ATRN: variants seen among roughly 807,000 people sequenced by gnomAD.
ATRN encodes attractin.
In ATRN, 54 loss-of-function variants were observed where a neutral mutation model predicts 178.7. The ratio of observed to expected loss-of-function variants is 0.30; its 90% CI spans 0.24 to 0.38. The LOEUF (loss-of-function observed/expected upper bound fraction) is 0.38, where lower values mean the gene tolerates loss of function less well. Ranked by LOEUF, ATRN falls within the 10% of genes least tolerant of loss-of-function variation. The pLI, the probability that ATRN is intolerant of heterozygous loss-of-function variation, is 1.00. For synonymous variants in ATRN, 636 were observed against 663.0 expected (o/e 0.96, Z 0.63); for missense variants, 1,443 against 1,815.1 (o/e 0.79, Z 3.73).
intron 11 of ATRN, among the ~76,000 whole-genome samples, chr20:3,570,405 A>C (rs1468750480): frequency 1.3e-5 from 2 of 152,186 alleles, no homozygotes; most frequent in African/African-American, 4.8e-5. Flanking sequence ...GATTCACTTC[A>C]GTATTTTGGC....
At chr20:3,601,060 G>T (rs751500878) in intron 23 of ATRN, 36 bp downstream of exon 23, 2 of 1,542,804 alleles carry the variant, frequency 1.3e-6, no homozygotes, top group Admixed American at 3.4e-5. Flanking sequence ...CGCAAATGAA[G>T]GTGTGGTAGA....
chr20:3,634,214 GT>G, intron 25 of ATRN, 96 bp from the exon 26 acceptor site: 1 of 1,051,968 alleles, frequency 9.5e-7, no homozygotes, highest in Admixed American at 1.9e-5. Flanking sequence ...GAGGTGGCAT[GT>G]GGGAGCTGTT....
chr20:3,484,484 A>G (rs987060093), intron 1 of ATRN, among the ~76,000 whole-genome samples: 34 of 152,092 alleles, frequency 2.2e-4, no homozygotes, highest in African/African-American at 8.0e-4. Context: ...TATTGACCTA[A>G]TTTAATTATC....
intron 27 of ATRN, among the ~76,000 whole-genome samples, chr20:3,640,650 G>A (rs370260794): frequency 9.8e-5 from 15 of 152,310 alleles, no homozygotes; most frequent in African/African-American, 2.4e-4. Flanking sequence ...GAAACTGAAC[G>A]TTAGTGCACT....
At chr20:3,592,496 A>C (rs2086462306) in intron 19 of ATRN, 1 of 982,392 alleles carries the variant, frequency 1.0e-6, no homozygotes, top group Non-Finnish European at 1.2e-6. Flanking sequence ...ATGAGAACAA[A>C]AATTATGACA....
chr20:3,553,015 A>G (rs2085811036), intron 6 of ATRN, among the ~76,000 whole-genome samples: 1 of 152,030 alleles, frequency 6.6e-6, no homozygotes, highest in South Asian at 2.1e-4. Flanking sequence ...CTTACCTCCT[A>G]GGGGAGGGGA....
rs749521022 is a variant in ATRN, at chr20:3,597,997, C to T, written c.3561C>T (p.Asp1187=). 5.6e-5 allele frequency: 89 copies of T among 1,599,290 alleles called. 1 individual carries two copies. The East Asian group carries it at 7.6e-4, about 14-fold the overall frequency. ...YTAINFVATP[D]EQNRDLDMFI... ...CTATCAATTTTGTGGCTACTCCTGA[C>T]GAAGTAAGATTTTTTAAAGTCTTCC... The change falls in exon 22 of 29, where the codon GAC becomes GAT. Residue 1187 remains aspartate (D), a synonymous_variant. Coordinates refer to ENST00000262919, the MANE Select transcript of ATRN (RefSeq NM_139321.3).
rs1374591897 is a variant in ATRN at position 3,540,103 on chromosome 20, G to T, written c.495-119G>T. 6.2e-5 allele frequency: 34 copies of T among 544,282 alleles called. No individual in the cohort carries two copies. The Admixed American group carries it at 1.1e-3, about 18-fold the overall frequency. 33.7% of individuals were successfully genotyped at this position (544,282 alleles called of 1,614,324 possible). ...ATCTTTGACAAATGAAGGAATACTG[G>T]TGGGGCAGTTGTTAGACTGTGTTAC... is the stretch of plus-strand genomic sequence containing the variant. On this transcript the variant is annotated intron_variant, in intron 2 of 28. Transcript: ENST00000262919.
rs1442866989 is a variant in ATRN at position 3,521,085 on chromosome 20, G to T, written c.411-14168G>T. ...ACACAAAGATGGGAACAATAGACAG[G>T]GGGTACTACTTGAGAGGGGAGGTTG... On this transcript the variant is annotated intron_variant, in intron 1 of 28. Coordinates refer to ENST00000262919, the MANE Select transcript of ATRN (RefSeq NM_139321.3). 2.0e-5 allele frequency among the ~76,000 whole-genome samples: 3 copies of T among 152,064 alleles called. No individual in the cohort carries two copies. The East Asian group carries it at 5.8e-4, about 29-fold the overall frequency.
intron 23 of ATRN, among the ~76,000 whole-genome samples, chr20:3,602,087 G>A (rs963997192): frequency 6.6e-6 from 1 of 151,956 alleles, no homozygotes; most frequent in Non-Finnish European, 1.5e-5. Flanking sequence ...CCAGCACTGT[G>A]GGAAGCCAAG....
At chr20:3,551,253 G>C (rs2085782585) in intron 6 of ATRN, among the ~76,000 whole-genome samples, 2 of 152,180 alleles carry the variant, frequency 1.3e-5, no homozygotes, top group African/African-American at 4.8e-5. Context: ...TTAGCACTGA[G>C]TCTTGTATCC....
chr20:3,502,455 C>A (rs570484811), intron 1 of ATRN, among the ~76,000 whole-genome samples: 7 of 152,274 alleles, frequency 4.6e-5, no homozygotes, highest in African/African-American at 1.7e-4. Flanking sequence ...ATCCTCCCAT[C>A]CACCTAGACC....
Position 3,617,916 on chromosome 20 carries a change from C to G in ATRN, c.3802-6595C>G, listed in dbSNP as rs1452062719. Among the ~76,000 whole-genome samples the G allele has an allele frequency of 2.0e-5, 3 of 152,282 alleles. No individual in the cohort carries two copies. In the East Asian group the frequency reaches 5.8e-4, roughly 30 times the overall value. On this transcript the variant is annotated intron_variant, in intron 24 of 28. Transcript: ENST00000262919. ...GGGTCAGGGGCAAAACTCCCTCTCC[C>G]TCAAACCAGCCCACCTGTCTTGGTG...
chr20:3,590,962 C>T (rs2086433570), intron 18 of ATRN, among the ~76,000 whole-genome samples: 1 of 152,092 alleles, frequency 6.6e-6, no homozygotes, highest in African/African-American at 2.4e-5. Context: ...TGGGCTTTCA[C>T]CTTGCTGTGA....
At chr20:3,582,818 C>T (rs898994338) in intron 16 of ATRN, among the ~76,000 whole-genome samples, 17 of 152,148 alleles carry the variant, frequency 1.1e-4, no homozygotes, top group Admixed American at 1.1e-3. Context: ...GTTCTGTAAG[C>T]GAGGACAGAA....
chr20:3,611,503 C>T (rs1045783125), intron 24 of ATRN, among the ~76,000 whole-genome samples: 10 of 152,278 alleles, frequency 6.6e-5, no homozygotes, highest in African/African-American at 2.4e-4. Flanking sequence ...CTTTGGGAGG[C>T]CAAGGCAGGC....
rs1055872284 is a variant in ATRN, at chr20:3,490,188, A to G, written c.410+18671A>G. 4.0e-6 allele frequency: 6 copies of G among 1,516,222 alleles called. No individual in the cohort carries two copies. In the African/African-American group the frequency reaches 4.1e-5, roughly 10 times the overall value. The allele number at this position is 1,516,222 out of a possible 1,614,324, so 93.9% of individuals were successfully genotyped here. On this transcript the variant is annotated intron_variant, in intron 1 of 28. Transcript: ENST00000262919. ...GAATAGTCTCTGGGCTTGCTCTTCT[A>G]CGGTCCGCCACATTTCAAGCCTAAA... is the stretch of plus-strand genomic sequence containing the variant.
At chr20:3,625,384 A>C (rs1047481393) in intron 25 of ATRN, among the ~76,000 whole-genome samples, 1 of 152,224 alleles carries the variant, frequency 6.6e-6, no homozygotes, top group Non-Finnish European at 1.5e-5. Flanking sequence ...TGTTATGGCC[A>C]TAAAACTCTT....
chr20:3,633,104 C>A (rs2087001064), intron 25 of ATRN, among the ~76,000 whole-genome samples: 1 of 152,100 alleles, frequency 6.6e-6, no homozygotes, highest in Non-Finnish European at 1.5e-5. Context: ...CACTGCACTC[C>A]AGCCTGGGTG....
Sources: gnomAD v4.1 joint callset for allele counts (sites outside exome capture counted in the v4.1 genomes callset) on GRCh38, gnomAD v4.1.1 for gene constraint, MANE v1.5 for transcripts, NCBI Gene and HGNC (gene_info 2026-07-23, HGNC 2026-07-21) for gene names.